Variants in PIK3R5 observed in about 807,000 individuals in gnomAD.
PIK3R5 encodes the protein phosphoinositide-3-kinase regulatory subunit 5, also known as phosphoinositide 3-kinase regulatory subunit 5.
PIK3R5 carries 32 observed loss-of-function variants against 94.9 expected under a neutral mutation model. The ratio of observed to expected loss-of-function variants is 0.34; its 90% confidence interval spans 0.25 to 0.45. The LOEUF (loss-of-function observed/expected upper bound fraction) is 0.45. Ranked by LOEUF, PIK3R5 falls within the 20% of genes least tolerant of loss-of-function variation. The probability of loss-of-function intolerance (pLI) is 1.00; values close to 1 mark genes in which losing one functional copy is unlikely to be tolerated. For missense variants in PIK3R5, 853 were observed against 1,144.6 expected, an observed-to-expected ratio of 0.75 and a Z score of 3.68; for synonymous variants, 443 against 479.4, an observed-to-expected ratio of 0.92 and a Z score of 0.99.
At chr17:8,903,820 G>C (rs1481415615) in intron 5 of PIK3R5, among the ~76,000 whole-genome samples, 2 of 152,108 alleles carry the variant, frequency 1.3e-5, no homozygotes, top group African/African-American at 4.8e-5. Flanking sequence ...TTGTTCAGGG[G>C]ATTCTCTCAG....
intron 1 of PIK3R5, among the ~76,000 whole-genome samples, chr17:8,965,001 C>CACACACACACACA (rs1567679194): frequency 3.2e-4 from 49 of 150,800 alleles, no homozygotes; most frequent in African/African-American, 9.5e-4. Flanking sequence ...ATGCGCATGC[C>CACACACACACACA]CACACACACA....
At chr17:8,885,918 C>A (rs1490124455) in intron 14 of PIK3R5, among the ~76,000 whole-genome samples, 1 of 140,050 alleles carries the variant, frequency 7.1e-6, no homozygotes, top group Admixed American at 6.9e-5. Context: ...CCCCACCTAC[C>A]GGACAACCCC....
At chr17:8,906,749 G>A (rs890767945) in intron 3 of PIK3R5, among the ~76,000 whole-genome samples, 6 of 151,982 alleles carry the variant, frequency 3.9e-5, no homozygotes, top group Admixed American at 1.3e-4. Flanking sequence ...TGGGCACAGT[G>A]GCGCACACCT....
intron 1 of PIK3R5, among the ~76,000 whole-genome samples, chr17:8,923,739 G>A (rs906102706): frequency 1.3e-5 from 2 of 152,168 alleles, no homozygotes; most frequent in African/African-American, 4.8e-5. Flanking sequence ...GTTAGACAAT[G>A]TGCACAGGAG....
chr17:8,880,840 C>T, intron 18 of PIK3R5, 54 bp from the exon 19 acceptor site: 3 of 1,613,168 alleles, frequency 1.9e-6, no homozygotes, highest in Non-Finnish European at 2.5e-6. Flanking sequence ...CCTTCCAGCT[C>T]CTTCCAGGCC....
At chr17:8,891,591 C>T (rs1308717566) in intron 6 of PIK3R5, among the ~76,000 whole-genome samples, 1 of 151,056 alleles carries the variant, frequency 6.6e-6, no homozygotes, top group Non-Finnish European at 1.5e-5. Context: ...ATTATGGAAC[C>T]TTTCTCTTTT....
rs757971428 is a variant in PIK3R5 at position 8,888,798 on chromosome 17, A to ACCTCCTCCT, written c.980_988dup (p.Glu327_Glu329dup). The ACCTCCTCCT allele has an allele frequency of 1.6e-5, 26 of 1,597,328 alleles. No homozygotes were observed. Among genetic ancestry groups the ACCTCCTCCT allele is most frequent in the Middle Eastern group, 3.3e-4 (2 of 6,040 alleles). On this transcript the variant is annotated inframe_insertion, in exon 10 of 19. Transcript: ENST00000447110. The surrounding 1 kb of genome is among the most constrained non-coding windows in gnomAD (Gnocchi z 7.8). ...CCCGTCAGTTTCCAAGTCCTCCTCCACCTCCTCCTCCTCCTCTTCCTCCTC... is the reference window on the plus strand; with the variant it reads ...CCCGTCAGTTTCCAAGTCCTCCTCCACCTCCTCCTCCTCCTCCTCCTCCTCTTCCTCCTC...
At chr17:8,961,844 C>G (rs1054295345) in intron 1 of PIK3R5, among the ~76,000 whole-genome samples, 1 of 152,120 alleles carries the variant, frequency 6.6e-6, no homozygotes, top group Non-Finnish European at 1.5e-5. Flanking sequence ...GAAAGTCATC[C>G]ATTTCTTCCC....
intron 1 of PIK3R5, among the ~76,000 whole-genome samples, chr17:8,942,506 A>G (rs1227882756): frequency 1.3e-5 from 2 of 152,146 alleles, no homozygotes; most frequent in Non-Finnish European, 2.9e-5. Flanking sequence ...GGCAGGTTCA[A>G]AAGACAGTCT....
rs1425202079 is a variant in PIK3R5, at chr17:8,896,811, G to T, written c.413-3156C>A. Among the ~76,000 whole-genome samples, 2 of 152,112 alleles carry T rather than the reference G, an allele frequency of 1.3e-5. No individual in the cohort carries two copies. Among genetic ancestry groups the T allele is most frequent in the African/African-American group, 2.4e-5 (1 of 41,408 alleles). ...GGGTACTTGAGCCTGGGGGAGGCAG[G>T]GAGCAACCACATCTGACTCAGTTTC... On this transcript the variant is annotated intron_variant, in intron 5 of 18. Transcript: ENST00000447110. This position sits in a 1 kb window ranked among gnomAD's most constrained non-coding sequence, Gnocchi z 4.0.
chr17:8,880,598 G>T lies in PIK3R5; in HGVS notation c.*41C>A, dbSNP rs1278949641. 7 of 1,549,946 alleles carry T rather than the reference G, an allele frequency of 4.5e-6. No homozygotes were observed. The highest frequency in any genetic ancestry group is 1.4e-5 in the African/African-American group (1 of 73,628). On this transcript the variant is annotated 3_prime_UTR_variant, in exon 19 of 19. Coordinates refer to ENST00000447110, the MANE Select transcript of PIK3R5 (RefSeq NM_001142633.3). ...CTGTCCTGGAGGGGTGGCCGAGGAG[G>T]TTGCCCCAGGGCTTCTGTCCAGTCT...
intron 3 of PIK3R5, among the ~76,000 whole-genome samples, chr17:8,906,939 T>A (rs61759584): frequency 0.018 from 2,800 of 152,352 alleles, 69 homozygotes; most frequent in African/African-American, 0.051. Flanking sequence ...AATTGTATCA[T>A]ATATTAAATT....
intron 1 of PIK3R5, among the ~76,000 whole-genome samples, chr17:8,938,501 A>T (rs569680243): frequency 6.6e-6 from 1 of 152,302 alleles, no homozygotes; most frequent in East Asian, 1.9e-4. Flanking sequence ...CATCGCTCCA[A>T]AAAGAAACCC....
At position 8,911,379 on chromosome 17, in the gene PIK3R5, C is replaced by G. The variant is rs1053407166; in HGVS notation, c.103+13G>C. On this transcript the variant is annotated intron_variant, in intron 2 of 18. Transcript: ENST00000447110. The surrounding 1 kb of genome is among the most constrained non-coding windows in gnomAD (Gnocchi z 5.3). ...TGAGCCCTCAAACACCTCCCCGGCTCCCTTGGACCGACCTGACCAGGAGGT... is the reference window on the plus strand; with the variant it reads ...TGAGCCCTCAAACACCTCCCCGGCTGCCTTGGACCGACCTGACCAGGAGGT... The G allele has an allele frequency of 6.3e-7, 1 of 1,596,194 alleles. No individual in the cohort carries two copies. The highest frequency in any genetic ancestry group is 8.5e-7 in the Non-Finnish European group (1 of 1,176,976).
intron 1 of PIK3R5, among the ~76,000 whole-genome samples, chr17:8,957,010 G>A (rs1393390036): frequency 6.6e-6 from 1 of 152,198 alleles, no homozygotes; most frequent in African/African-American, 2.4e-5. Context: ...AACGGGCTGT[G>A]AAGCAGGGCT....
At chr17:8,883,386 C>A (rs674858) in intron 15 of PIK3R5, among the ~76,000 whole-genome samples, 27,365 of 152,082 alleles carry the variant, frequency 0.18, 3,255 homozygotes, top group African/African-American at 0.33. Context: ...AAACAAAAAA[C>A]CACAAAACTC....
chr17:8,886,151 A>G (rs1163909625), intron 14 of PIK3R5, 78 bp downstream of exon 14: 6 of 1,108,588 alleles, frequency 5.4e-6, no homozygotes, highest in Non-Finnish European at 8.1e-6. Context: ...CCTCCCAGGT[A>G]ACCCCACCTC....
intron 1 of PIK3R5, among the ~76,000 whole-genome samples, chr17:8,936,259 G>A (rs2091074215): frequency 6.6e-6 from 1 of 152,042 alleles, no homozygotes; most frequent in Admixed American, 6.5e-5. Context: ...AACCAATATT[G>A]ATACAAGAGT....
In PIK3R5 at chr17:8,893,060, G is replaced by GTA. The variant is rs1052855140; in HGVS notation, c.482+525_482+526insTA. On this transcript the variant is annotated intron_variant, in intron 6 of 18. Coordinates refer to ENST00000447110, the MANE Select transcript of PIK3R5 (RefSeq NM_001142633.3). This position sits in a 1 kb window ranked among gnomAD's most constrained non-coding sequence, Gnocchi z 5.1. The stretch of plus-strand genomic sequence containing the variant: ...TTTCATTTCAGCTGTGTGTGTGTGT[G>GTA]TGTGTGTGTGTGTGTGTGTGTGTGT... Among the ~76,000 whole-genome samples, 3 of 136,872 alleles carry GTA rather than the reference G, an allele frequency of 2.2e-5. No individual in the cohort carries two copies. The highest frequency in any genetic ancestry group is 9.7e-5 in the African/African-American group (3 of 30,996). The allele number at this position is 136,872 out of a possible 152,430, so 89.8% of individuals were successfully genotyped here. A position where few individuals can be genotyped will look rare whatever the true frequency, so the allele number is the denominator to read the frequency against.
Sources: gnomAD v4.1 joint callset for allele counts (sites outside exome capture counted in the v4.1 genomes callset) on GRCh38, gnomAD v4.1.1 for gene constraint, Gnocchi (gnomAD v3.1) non-coding constraint, MANE v1.5 for transcripts, NCBI Gene and HGNC (gene_info 2026-07-23, HGNC 2026-07-21) for gene names.